Variants in NR5A2 observed in about 807,000 individuals in gnomAD.
The protein encoded by NR5A2 is CYP7A promoter-binding factor.
Under a neutral mutation model 62.7 loss-of-function variants are expected in NR5A2, and 26 were observed. The ratio of observed to expected loss-of-function variants is 0.41; its 90% CI spans 0.30 to 0.58. The LOEUF (loss-of-function observed/expected upper bound fraction) is 0.58, where lower values mean the gene tolerates loss of function less well. Ranked by LOEUF, NR5A2 falls within the 20% of genes least tolerant of loss-of-function variation. NR5A2 has a pLI of 0.22. For missense variants in NR5A2, 541 were observed against 669.1 expected (o/e 0.81, Z 2.11); for synonymous variants, 246 against 241.7 (o/e 1.02, Z -0.16).
chr1:200,166,851 T>A (rs1042938527), intron 7 of NR5A2, among the ~76,000 whole-genome samples: 6 of 152,206 alleles, frequency 3.9e-5, no homozygotes, highest in African/African-American at 1.4e-4. Flanking sequence ...ATAAGATTCT[T>A]AAGAGGATTA....
At chr1:200,155,820 C>G (rs954538342) in intron 7 of NR5A2, among the ~76,000 whole-genome samples, 12 of 152,016 alleles carry the variant, frequency 7.9e-5, no homozygotes, top group Non-Finnish European at 7.4e-5. Context: ...ATTGCAGGTG[C>G]CAGCCACCAT....
rs1304164782 is a variant in NR5A2 at position 200,074,756 on chromosome 1, A to AAAAAAAAAAAAAAAC, written c.1110+25938_1110+25939insAAAAAAAAAAAAAAC. On this transcript the variant is annotated intron_variant, in intron 5 of 7. Transcript: ENST00000367362. The stretch of plus-strand genomic sequence containing the variant: ...CATCTCAAAAAAAAAAAAAAAAAAA[A>AAAAAAAAAAAAAAAC]CACGAGAGAAACACAAATCTCAAAC... 8.7e-5 allele frequency among the ~76,000 whole-genome samples: 12 copies of AAAAAAAAAAAAAAAC among 137,686 alleles called. 1 individual carries two copies. The highest frequency in any genetic ancestry group is 3.2e-4 in the African/African-American group (12 of 37,358). The allele number at this position is 137,686 out of a possible 152,430, so 90.3% of individuals were successfully genotyped here. A position where few individuals can be genotyped will look rare whatever the true frequency, so the allele number is the denominator to read the frequency against.
chr1:200,163,351 C>T (rs1653736325), intron 7 of NR5A2, among the ~76,000 whole-genome samples: 1 of 151,806 alleles, frequency 6.6e-6, no homozygotes, highest in African/African-American at 2.4e-5. Flanking sequence ...AGCTTATTCT[C>T]ATATTTCCTG....
At chr1:200,096,945 A>T (rs963713554) in intron 5 of NR5A2, among the ~76,000 whole-genome samples, 1 of 152,178 alleles carries the variant, frequency 6.6e-6, no homozygotes, top group African/African-American at 2.4e-5. Context: ...TCACACAAGG[A>T]TGAAATCACC....
intron 5 of NR5A2, among the ~76,000 whole-genome samples, chr1:200,088,040 C>G (rs553920050): frequency 1.3e-5 from 2 of 152,210 alleles, no homozygotes; most frequent in East Asian, 3.9e-4. Flanking sequence ...TATGAACCAC[C>G]ATGCCCGGCC....
At chr1:200,148,906 C>CTTTTTTTT (rs573219003) in intron 7 of NR5A2, among the ~76,000 whole-genome samples, 2 of 125,296 alleles carry the variant, frequency 1.6e-5, no homozygotes, top group Non-Finnish European at 3.3e-5. Context: ...GCATGCGGTA[C>CTTTTTTTT]TTTTTTTTTT....
chr1:200,070,425 C>A (rs1663686126), intron 5 of NR5A2, among the ~76,000 whole-genome samples: 2 of 152,088 alleles, frequency 1.3e-5, no homozygotes, highest in Non-Finnish European at 2.9e-5. Flanking sequence ...TGCTGTGGAT[C>A]ACACCTGTAA....
At chr1:200,051,314 C>T (rs879537526) in intron 5 of NR5A2, among the ~76,000 whole-genome samples, 4 of 152,090 alleles carry the variant, frequency 2.6e-5, no homozygotes, top group Non-Finnish European at 4.4e-5. Context: ...ATACAGCTAG[C>T]GGCTGTAAGG....
At chr1:200,146,162 G>A (rs1197271576) in intron 7 of NR5A2, among the ~76,000 whole-genome samples, 1 of 152,154 alleles carries the variant, frequency 6.6e-6, no homozygotes, top group African/African-American at 2.4e-5. Flanking sequence ...TCAACCATGA[G>A]ATTCTTGAGT....
At position 200,174,022 on chromosome 1, in the gene NR5A2, G is replaced by T. The variant is rs747092960; in HGVS notation, c.1438G>T (p.Ala480Ser). Residue 480 changes from alanine (A) to serine (S), a missense_variant, in exon 8 of 8, where the codon GCC (alanine) becomes TCC (serine). Ala to Ser is a moderately conservative substitution (Grantham distance 99). Coordinates refer to ENST00000367362, the MANE Select transcript of NR5A2 (RefSeq NM_205860.3). Reference protein sequence around the residue: ...VEGVQEQVNAALLDYTMCNYP... With the variant: ...VEGVQEQVNASLLDYTMCNYP... The stretch of plus-strand genomic sequence containing the variant: ...AGGTGTCCAGGAACAAGTCAATGCC[G>T]CCCTGCTGGACTACACAATGTGTAA... 1 of 1,598,196 alleles carries T rather than the reference G, an allele frequency of 6.3e-7. No individual in the cohort carries two copies. Among genetic ancestry groups the T allele is most frequent in the Non-Finnish European group, 8.5e-7 (1 of 1,173,242 alleles).
intron 5 of NR5A2, among the ~76,000 whole-genome samples, chr1:200,100,709 T>A (rs1038890554): frequency 3.9e-5 from 6 of 152,218 alleles, no homozygotes; most frequent in Non-Finnish European, 8.8e-5. Flanking sequence ...ATATTGTATC[T>A]ACTGTGGGGA....
chr1:200,119,653 G>A (rs987591524), intron 6 of NR5A2, among the ~76,000 whole-genome samples: 2 of 151,984 alleles, frequency 1.3e-5, no homozygotes, highest in African/African-American at 4.8e-5. Flanking sequence ...TTGAGACGGA[G>A]TCTGGCTTCT....
intron 5 of NR5A2, among the ~76,000 whole-genome samples, chr1:200,093,079 T>C (rs1323417995): frequency 6.6e-6 from 1 of 151,954 alleles, no homozygotes; most frequent in African/African-American, 2.4e-5. Flanking sequence ...TTAGTACAAT[T>C]AGACTTGTAG....
intron 5 of NR5A2, among the ~76,000 whole-genome samples, chr1:200,102,615 C>T (rs1211149695): frequency 1.3e-5 from 2 of 152,198 alleles, no homozygotes; most frequent in African/African-American, 4.8e-5. Flanking sequence ...AACTCCACCC[C>T]TACCTCTGCT....
At chr1:200,172,263 G>A (rs1268101183) in intron 7 of NR5A2, among the ~76,000 whole-genome samples, 2 of 151,968 alleles carry the variant, frequency 1.3e-5, no homozygotes, top group African/African-American at 4.8e-5. Flanking sequence ...GTATGACTCT[G>A]GATACATAGC....
rs968090371 is a variant in NR5A2, at chr1:200,048,069, A to C, written c.464-103A>C. 1.1e-5 allele frequency: 12 copies of C among 1,121,280 alleles called. No individual in the cohort carries two copies. The African/African-American group carries it at 1.6e-4, about 15-fold the overall frequency. The allele number at this position is 1,121,280 out of a possible 1,614,324, so 69.5% of individuals were successfully genotyped here. A position where few individuals can be genotyped will look rare whatever the true frequency, so the allele number is the denominator to read the frequency against. ...TATTGTAACGAAAACAACCACACAC[A>C]TACCACTTCTTGTCGATTTACATTT... On this transcript the variant is annotated intron_variant, in intron 4 of 7. Coordinates refer to ENST00000367362, the MANE Select transcript of NR5A2 (RefSeq NM_205860.3). The surrounding 1 kb of genome is among the most constrained non-coding windows in gnomAD (Gnocchi z 4.8).
intron 7 of NR5A2, among the ~76,000 whole-genome samples, chr1:200,162,951 A>G (rs1399341591): frequency 1.3e-5 from 2 of 152,224 alleles, no homozygotes; most frequent in Non-Finnish European, 1.5e-5. Context: ...AAACAGTCAT[A>G]TGTACAGAAC....
chr1:200,060,108 A>T (rs929537358), intron 5 of NR5A2, among the ~76,000 whole-genome samples: 6 of 152,126 alleles, frequency 3.9e-5, no homozygotes, highest in Non-Finnish European at 5.9e-5. Flanking sequence ...CTAACCTTGC[A>T]CATCATTTTC....
At chr1:200,100,683 C>T (rs1354549162) in intron 5 of NR5A2, among the ~76,000 whole-genome samples, 1 of 152,204 alleles carries the variant, frequency 6.6e-6, no homozygotes, top group African/African-American at 2.4e-5. Flanking sequence ...CAAAAGAACA[C>T]TCTCTGTGAG....
Sources: allele counts gnomAD v4.1 joint callset (sites outside exome capture counted in the v4.1 genomes callset), GRCh38; gene constraint gnomAD v4.1.1; non-coding constraint Gnocchi (gnomAD v3.1); transcripts MANE v1.5; gene names NCBI Gene and HGNC (gene_info 2026-07-23, HGNC 2026-07-21).